MYO15A: variants seen among roughly 807,000 people sequenced by gnomAD.
MYO15A encodes the protein myosin XVA, also known as unconventional myosin-XV.
A neutral mutation model predicts 394.6 loss-of-function variants in MYO15A; 308 were observed. That is an observed-to-expected ratio of 0.78 (90% CI 0.71 to 0.86). The LOEUF (loss-of-function observed/expected upper bound fraction) is 0.86. Ranked by LOEUF, MYO15A falls within the 40% of genes least tolerant of loss-of-function variation. The pLI is 0.00. For synonymous variants in MYO15A, 1,957 were observed against 2,003.8 expected (o/e 0.98, Z 0.62); for missense variants, 4,606 against 4,799.1 (o/e 0.96, Z 1.19).
chr17:18,167,205 C>CCTGCCTCAGACCCT (rs2046867137), intron 61 of MYO15A, among the ~76,000 whole-genome samples: 2 of 152,258 alleles, frequency 1.3e-5, no homozygotes, highest in Admixed American at 1.3e-4. Flanking sequence ...CCTCAGACCT[C>CCTGCCTCAGACCCT]CTGCCTCAGA....
intron 60 of MYO15A, 129 bp from the exon 61 acceptor site, chr17:18,166,232 G>C: frequency 8.8e-7 from 1 of 1,135,402 alleles, no homozygotes; most frequent in African/African-American, 1.5e-5. Flanking sequence ...CCCAGAACAG[G>C]CAGGTGGCTT....
intron 3 of MYO15A, chr17:18,124,901 C>A: frequency 3.4e-6 from 2 of 592,074 alleles, no homozygotes; most frequent in Admixed American, 5.8e-5. Context: ...TGTTGGTCAG[C>A]ATCATTATCT....
At chr17:18,142,885 G>A (rs1166448288) in intron 25 of MYO15A, 45 bp downstream of exon 25, 2 of 1,557,210 alleles carry the variant, frequency 1.3e-6, no homozygotes, top group Non-Finnish European at 1.7e-6. Flanking sequence ...AGCAGAGAAG[G>A]GGAAAGGGCA....
At chr17:18,144,135 A>T in intron 28 of MYO15A, 135 bp downstream of exon 28, 2 of 1,431,416 alleles carry the variant, frequency 1.4e-6, no homozygotes, top group Non-Finnish European at 1.9e-6. Context: ...TTGCTGGATC[A>T]TAGGGAATCT....
chr17:18,145,720 T>C (rs2046464903), intron 29 of MYO15A, 152 bp from the exon 30 acceptor site: 1 of 674,202 alleles, frequency 1.5e-6, no homozygotes, highest in Non-Finnish European at 2.6e-6. Flanking sequence ...CAAAAAAATA[T>C]TCTATATATA....
intron 63 of MYO15A, 31 bp from the exon 64 acceptor site, chr17:18,172,126 C>T: frequency 6.2e-7 from 1 of 1,613,868 alleles, no homozygotes; most frequent in Non-Finnish European, 8.5e-7. Flanking sequence ...CCCTGCCCAG[C>T]ACGTAACTGC....
intron 65 of MYO15A, among the ~76,000 whole-genome samples, chr17:18,175,119 A>C (rs1438620498): frequency 7.7e-6 from 1 of 130,060 alleles, no homozygotes; most frequent in South Asian, 2.4e-4. Flanking sequence ...GGGTCTTGCT[A>C]TGTTGCCCAG....
rs773648511 is a variant in MYO15A, at chr17:18,119,063, C to T, written c.263C>T (p.Thr88Met). 5 of 1,612,106 alleles carry T rather than the reference C, an allele frequency of 3.1e-6. No homozygotes were observed. The highest frequency in any genetic ancestry group is 1.3e-5 in the African/African-American group (1 of 74,920). The change falls in exon 2 of 66, where the codon ACG becomes ATG. Residue 88 changes from threonine to methionine, a missense_variant. By Grantham distance (81) the Thr-to-Met change is moderately conservative. Transcript: ENST00000647165. ...CTCAAGTCCACGTCAAAGCTCATGA[C>T]GCAGATGCGCATGGGCAAGAAGAAG... Reference protein sequence around the residue: ...TVLKSTSKLMTQMRMGKKKRA... With the variant: ...TVLKSTSKLMMQMRMGKKKRA...
At position 18,115,587 on chromosome 17, in the gene MYO15A, C is replaced by G. The variant is rs911890895; in HGVS notation, c.-219-2995C>G. Among the ~76,000 whole-genome samples, 3 of 152,128 alleles carry G rather than the reference C, an allele frequency of 2.0e-5. No homozygotes were observed. The East Asian group carries it at 5.8e-4, about 29-fold the overall frequency. ...GAGCCAAGATCGCACCATCGCACTCCAGCCTGAGCAGCACAGCGAGACTCT... is the reference window on the plus strand; with the variant it reads ...GAGCCAAGATCGCACCATCGCACTCGAGCCTGAGCAGCACAGCGAGACTCT... On this transcript the variant is annotated intron_variant, in intron 1 of 65. Transcript: ENST00000647165.
rs747024061 is a variant in MYO15A, at chr17:18,151,204, C to T, written c.7568C>T (p.Pro2523Leu). Residue 2523 changes from proline (P) to leucine (L), a missense_variant, in exon 39 of 66, where the codon CCA becomes CTA. Transcript: ENST00000647165. Reference protein sequence around the residue: ...LLRATPKPLAPAPLAKAPRLP... With the variant: ...LLRATPKPLALAPLAKAPRLP... ...CGTGCCACTCCAAAGCCCTTGGCCC[C>T]AGCCCCTCTGGCCAAGGCTCCAAGG... 1 of 1,614,172 alleles carries T rather than the reference C, an allele frequency of 6.2e-7. No individual in the cohort carries two copies. Among genetic ancestry groups the T allele is most frequent in the Non-Finnish European group, 8.5e-7 (1 of 1,180,042 alleles).
In MYO15A at chr17:18,156,341, GGATCTTCTCACA is replaced by G; in HGVS notation, c.8601+13_8601+24del. The G allele has an allele frequency of 1.2e-6, 2 of 1,614,016 alleles. No individual in the cohort carries two copies. The highest frequency in any genetic ancestry group is 1.7e-6 in the Non-Finnish European group (2 of 1,179,934). ...TTCATCTTGGAGCTGAAGAAGGTCAGGATCTTCTCACAGATCTTCCCTCCACCCAGGCTGAGG... is the reference window on the plus strand; with the variant it reads ...TTCATCTTGGAGCTGAAGAAGGTCAGGATCTTCCCTCCACCCAGGCTGAGG... On this transcript the variant is annotated splice_donor_region_variant and intron_variant, in intron 48 of 65. Coordinates refer to ENST00000647165, the MANE Select transcript of MYO15A (RefSeq NM_016239.4).
At chr17:18,178,347 C>T (rs1306009075) in intron 65 of MYO15A, 4 of 302,970 alleles carry the variant, frequency 1.3e-5, no homozygotes, top group South Asian at 3.0e-5. Context: ...TCCAGCCTGG[C>T]GACAGAGCGA....
At chr17:18,169,576 G>A (rs928617691) in intron 62 of MYO15A, 2 of 152,158 alleles carry the variant, frequency 1.3e-5, no homozygotes, top group Non-Finnish European at 2.9e-5. Context: ...GGCAGAGGTT[G>A]CAGTGAGCTG....
At chr17:18,126,257 A>T (rs2046036409) in intron 4 of MYO15A, 90 bp from the exon 5 acceptor site, 3 of 1,115,260 alleles carry the variant, frequency 2.7e-6, no homozygotes, top group Non-Finnish European at 4.1e-6. Flanking sequence ...GTCCGGATGG[A>T]AACAGGGAGC....
intron 57 of MYO15A, among the ~76,000 whole-genome samples, 172 bp from the exon 58 acceptor site, chr17:18,162,413 G>A (rs2046789778): frequency 6.6e-6 from 1 of 152,160 alleles, no homozygotes; most frequent in Admixed American, 6.5e-5. Flanking sequence ...TTGACCTTGG[G>A]CAAGTCACTG....
chr17:18,164,100 T>G, intron 60 of MYO15A: 1 of 526,212 alleles, frequency 1.9e-6, no homozygotes, highest in African/African-American at 1.9e-5. Context: ...ACATGCTCAA[T>G]GTGAGGACAC....
intron 59 of MYO15A, 108 bp downstream of exon 59, chr17:18,163,429 C>A: frequency 8.7e-7 from 1 of 1,145,554 alleles, no homozygotes; most frequent in Non-Finnish European, 1.3e-6. Flanking sequence ...CTGAGCCCTC[C>A]CAGGCTCTCC....
chr17:18,141,045 G>C lies in MYO15A; in HGVS notation c.5433G>C (p.Val1811=). 6 of 1,614,028 alleles carry C rather than the reference G, an allele frequency of 3.7e-6. No individual in the cohort carries two copies. Among genetic ancestry groups the C allele is most frequent in the Non-Finnish European group, 5.1e-6 (6 of 1,180,048 alleles). Residue 1811 remains valine (V), a synonymous_variant, in exon 22 of 66, where the codon GTG becomes GTC. Transcript: ENST00000647165. ...AGCCAGGTCTCTTTGAGCCAGATGT[G>C]GTAATGGCACAATTACGCTATTCAG... The part of the protein sequence containing the change: ...KKEPGLFEPD[V]VMAQLRYSGV...
chr17:18,154,200 T>C lies in MYO15A; in HGVS notation c.8148+10T>C. The C allele has an allele frequency of 6.2e-7, 1 of 1,613,854 alleles. No individual in the cohort carries two copies. ...CCTCCTGTTCCGGCAGGTGAGGTCC[T>C]GTCTCCCCTTTCTGCCTCAGTGAAC... On this transcript the variant is annotated intron_variant, in intron 44 of 65. Transcript: ENST00000647165.
Sources: gnomAD v4.1 joint callset for allele counts (sites outside exome capture counted in the v4.1 genomes callset) on GRCh38, gnomAD v4.1.1 for gene constraint, MANE v1.5 for transcripts, NCBI Gene and HGNC (gene_info 2026-07-23, HGNC 2026-07-21) for gene names.